The following RARB variants were observed in gnomAD, a reference collection of about 807,000 sequenced individuals.
RARB encodes the protein retinoic acid receptor beta, also known as HBV-activated protein.
Under a neutral mutation model 51.9 loss-of-function variants are expected in RARB, and 17 were observed. The observed-to-expected ratio is 0.33, with a 90% CI of 0.22 to 0.49. The LOEUF (loss-of-function observed/expected upper bound fraction) is 0.49, where lower values mean the gene tolerates loss of function less well. Among genes scored for constraint, RARB ranks in the 20% least tolerant of loss-of-function variants. The pLI, the probability that RARB is intolerant of heterozygous loss-of-function variation, is 0.99. For synonymous variants in RARB, 215 were observed against 195.4 expected (o/e 1.10, Z -0.84); for missense variants, 369 against 550.8 (o/e 0.67, Z 3.30).
intron 2 of RARB, among the ~76,000 whole-genome samples, chr3:24,975,102 C>T (rs1325872428): frequency 6.6e-6 from 1 of 152,060 alleles, no homozygotes; most frequent in East Asian, 1.9e-4. Flanking sequence ...CAAGAATGTA[C>T]TTGGACTTCA....
intron 2 of RARB, among the ~76,000 whole-genome samples, chr3:25,051,076 G>A (rs1698323705): frequency 1.3e-5 from 2 of 152,184 alleles, no homozygotes; most frequent in Non-Finnish European, 1.5e-5. Context: ...GTGTATCTTT[G>A]ATATGCCATG....
chr3:25,027,503 C>A (rs184276923), intron 2 of RARB, among the ~76,000 whole-genome samples: 1 of 152,108 alleles, frequency 6.6e-6, no homozygotes, highest in Non-Finnish European at 1.5e-5. Flanking sequence ...TTGCCAAGCC[C>A]TCTTCATTTT....
At chr3:25,491,319 G>A (rs1463313325) in intron 2 of RARB, among the ~76,000 whole-genome samples, 1 of 151,650 alleles carries the variant, frequency 6.6e-6, no homozygotes, top group African/African-American at 2.4e-5. Context: ...ATAAAGCCCA[G>A]TAGTAAAACA....
At chr3:25,326,644 T>C (rs1178147475) in intron 5 of RARB, among the ~76,000 whole-genome samples, 4 of 152,186 alleles carry the variant, frequency 2.6e-5, no homozygotes, top group African/African-American at 9.6e-5. Flanking sequence ...CATCATTCTT[T>C]AGCATCTCCC....
intron 5 of RARB, among the ~76,000 whole-genome samples, chr3:25,207,270 G>T (rs1362793223): frequency 6.6e-6 from 1 of 152,088 alleles, no homozygotes; most frequent in African/African-American, 2.4e-5. Context: ...GAAAATCTCT[G>T]TGATCCTCCC....
At chr3:25,497,408 G>A (rs2125600142) in intron 2 of RARB, among the ~76,000 whole-genome samples, 1 of 152,244 alleles carries the variant, frequency 6.6e-6, no homozygotes, top group East Asian at 1.9e-4. Flanking sequence ...TCTTTCCTTA[G>A]TCTGCAAATA....
intron 3 of RARB, among the ~76,000 whole-genome samples, chr3:25,063,978 T>C (rs1698607312): frequency 6.6e-6 from 1 of 152,036 alleles, no homozygotes; most frequent in African/African-American, 2.4e-5. Context: ...CTGATTGCAG[T>C]TGAATATTTT....
At chr3:25,257,986 C>G (rs1398886136) in intron 5 of RARB, among the ~76,000 whole-genome samples, 2 of 152,180 alleles carry the variant, frequency 1.3e-5, no homozygotes, top group East Asian at 3.9e-4. Context: ...ATGGCATTTA[C>G]TGACTTACGT....
chr3:25,332,344 A>G (rs1275214097), intron 5 of RARB, among the ~76,000 whole-genome samples: 2 of 152,238 alleles, frequency 1.3e-5, no homozygotes, highest in Non-Finnish European at 2.9e-5. Context: ...AGTTGGCTTC[A>G]TCCCTGGGAT....
intron 2 of RARB, among the ~76,000 whole-genome samples, chr3:25,471,713 T>C (rs1260719772): frequency 6.6e-6 from 1 of 151,426 alleles, no homozygotes; most frequent in Non-Finnish European, 1.5e-5. Context: ...TGTAGATGCT[T>C]ACTTTGCTTG....
At chr3:25,169,089 C>T (rs1700602727) in intron 4 of RARB, among the ~76,000 whole-genome samples, 1 of 152,154 alleles carries the variant, frequency 6.6e-6, no homozygotes, top group Non-Finnish European at 1.5e-5. Flanking sequence ...CAATTTTATA[C>T]CTAGCCAAAC....
chr3:25,116,746 G>T (rs1285513599), intron 3 of RARB, among the ~76,000 whole-genome samples: 2 of 152,084 alleles, frequency 1.3e-5, no homozygotes, highest in East Asian at 3.9e-4. Flanking sequence ...ACAAACCAAA[G>T]CCTGCCTTTA....
intron 2 of RARB, among the ~76,000 whole-genome samples, chr3:24,900,639 A>C (rs1703584037): frequency 6.6e-6 from 1 of 152,202 alleles, no homozygotes; most frequent in African/African-American, 2.4e-5. Flanking sequence ...GCTTACAAAA[A>C]ATGTTGTTTG....
intron 5 of RARB, among the ~76,000 whole-genome samples, chr3:25,256,506 C>T (rs924946626): frequency 6.6e-6 from 1 of 151,908 alleles, no homozygotes; most frequent in African/African-American, 2.4e-5. Flanking sequence ...AGAGAGAGAT[C>T]CTTTAAAGGA....
intron 2 of RARB, among the ~76,000 whole-genome samples, chr3:24,953,021 A>G (rs894200791): frequency 3.9e-5 from 6 of 152,134 alleles, no homozygotes; most frequent in East Asian, 3.9e-4. Context: ...TTGTGGCCAA[A>G]AAACCCTTTG....
At position 25,238,155 on chromosome 3, in the gene RARB, C is replaced by CA. The variant is rs978500359; in HGVS notation, c.178+63580_178+63581insA. 5.9e-5 allele frequency among the ~76,000 whole-genome samples: 9 copies of CA among 151,904 alleles called. No individual in the cohort carries two copies. In the East Asian group the frequency reaches 9.6e-4, roughly 16 times the overall value. ...ACCTGTCTTCATCCTCCAGCGCCCC[C>CA]CCACACATCCTTCCCAGTCTCTGGT... On this transcript the variant is annotated intron_variant, in intron 5 of 11. Transcript: ENST00000383772.
At chr3:25,145,841 CA>C (rs60947334) in intron 4 of RARB, among the ~76,000 whole-genome samples, 147,752 of 151,714 alleles carry the variant, frequency 0.97, 71,968 homozygotes, top group African/African-American at 0.99. Context: ...ACTAAAAATA[CA>C]AAAAAAAATA....
intron 5 of RARB, among the ~76,000 whole-genome samples, chr3:25,327,044 G>A (rs1201572492): frequency 8.6e-5 from 13 of 151,626 alleles, no homozygotes; most frequent in Admixed American, 2.0e-4. Flanking sequence ...CTGTGTCCAT[G>A]TGTTCTCATT....
At chr3:24,999,796 A>G (rs962132149) in intron 2 of RARB, among the ~76,000 whole-genome samples, 1 of 152,076 alleles carries the variant, frequency 6.6e-6, no homozygotes, top group Non-Finnish European at 1.5e-5. Flanking sequence ...CTCACTCTAT[A>G]TCTTGCCTCT....
Sources: allele counts gnomAD v4.1 joint callset (sites outside exome capture counted in the v4.1 genomes callset), GRCh38; gene constraint gnomAD v4.1.1; transcripts MANE v1.5; gene names NCBI Gene and HGNC (gene_info 2026-07-23, HGNC 2026-07-21).